P2RY8: variants seen among roughly 807,000 people sequenced by gnomAD.
The protein encoded by P2RY8 is S-geranylgeranyl-glutathione receptor P2RY8.
In P2RY8, 6 loss-of-function variants were observed where a neutral mutation model predicts 10.0. The ratio of observed to expected loss-of-function variants is 0.60; its 90% CI spans 0.33 to 1.19. P2RY8 has a LOEUF of 1.19. P2RY8 is among the 50% of genes most tolerant of loss of function. The pLI, the probability that P2RY8 is intolerant of heterozygous loss-of-function variation, is 0.04. For missense variants in P2RY8, 456 were observed against 542.0 expected, an observed-to-expected ratio of 0.84 and a Z score of 1.58; for synonymous variants, 276 against 252.5, an observed-to-expected ratio of 1.09 and a Z score of -0.88.
chrX:1,488,133 G>C lies in P2RY8; in HGVS notation c.-24-21551C>G, dbSNP rs180916578. The stretch of plus-strand genomic sequence containing the variant: ...CTAAAAAAAAAAAAGAAGAAGAAGA[G>C]AAGTGGGTCTCAACAGGGTCCCCAG... On this transcript the variant is annotated intron_variant, in intron 1 of 1. Transcript: ENST00000381297. Among the ~76,000 whole-genome samples, 361 of 151,408 alleles carry C rather than the reference G, an allele frequency of 2.4e-3. 3 individuals carry two copies. The highest frequency in any genetic ancestry group is 8.2e-3 in the African/African-American group (338 of 41,298).
At chrX:1,509,563 G>T (rs1474628230) in intron 1 of P2RY8, among the ~76,000 whole-genome samples, 9 of 116,912 alleles carry the variant, frequency 7.7e-5, no homozygotes, top group African/African-American at 2.8e-4. Context: ...TATCATCTAT[G>T]TATCTATGTA....
intron 1 of P2RY8, among the ~76,000 whole-genome samples, chrX:1,508,576 T>C (rs1396076175): frequency 4.0e-5 from 6 of 151,722 alleles, no homozygotes; most frequent in Non-Finnish European, 7.4e-5. Context: ...TCTCTATCTA[T>C]CATCTATGTA....
In P2RY8 at chrX:1,478,249, A is replaced by ATGTGTGTGTGTG. The variant is rs745819761; in HGVS notation, c.-24-11679_-24-11668dup. On this transcript the variant is annotated intron_variant, in intron 1 of 1. Transcript: ENST00000381297. ...AATGAAAAATGGTGCTGGCAGGCGT[A>ATGTGTGTGTGTG]TGTGTGTGTGTGTGTGTGTGTGTGC... Among the ~76,000 whole-genome samples, 268 of 148,462 alleles carry ATGTGTGTGTGTG rather than the reference A, an allele frequency of 1.8e-3. 1 individual carries two copies. The highest frequency in any genetic ancestry group is 6.4e-3 in the African/African-American group (258 of 40,200).
intron 1 of P2RY8, among the ~76,000 whole-genome samples, chrX:1,513,098 A>G (rs2092311748): frequency 7.7e-6 from 1 of 129,558 alleles, no homozygotes; most frequent in Non-Finnish European, 1.5e-5. Flanking sequence ...TTCAACTCCC[A>G]CTTATGAGTG....
chrX:1,493,833 G>T (rs1389512271), intron 1 of P2RY8, among the ~76,000 whole-genome samples: 2 of 152,174 alleles, frequency 1.3e-5, no homozygotes, highest in Admixed American at 6.5e-5. Flanking sequence ...CAAGAAGGGG[G>T]TCTGTTTTAG....
At chrX:1,491,358 A>G (rs1276863632) in intron 1 of P2RY8, among the ~76,000 whole-genome samples, 1 of 152,236 alleles carries the variant, frequency 6.6e-6, no homozygotes, top group African/African-American at 2.4e-5. Flanking sequence ...ACAAATGTGA[A>G]GGGAATTAAT....
intron 1 of P2RY8, among the ~76,000 whole-genome samples, chrX:1,517,677 A>C (rs1225854796): frequency 3.9e-5 from 6 of 152,144 alleles, no homozygotes; most frequent in African/African-American, 1.4e-4. Flanking sequence ...GGGGCCAGGT[A>C]ATGTTAACAG....
intron 1 of P2RY8, among the ~76,000 whole-genome samples, chrX:1,486,983 G>A (rs2091991905): frequency 6.6e-6 from 1 of 152,252 alleles, no homozygotes; most frequent in South Asian, 2.1e-4. Context: ...TTCCGCTTTT[G>A]GGGGATGCAG....
rs764334119 is a variant in P2RY8 at position 1,536,602 on chromosome X, A to G, written c.-25+319T>C. 3.2e-3 allele frequency among the ~76,000 whole-genome samples: 494 copies of G among 152,118 alleles called. 2 individuals are homozygous for G. Among genetic ancestry groups the G allele is most frequent in the Non-Finnish European group, 5.5e-3 (372 of 67,976 alleles). ...AGTAGAGACGGGGTTTCACCGTGTT[A>G]GCCAGGATGGTCTCGAACTCCTGAC... On this transcript the variant is annotated intron_variant, in intron 1 of 1. Coordinates refer to ENST00000381297, the MANE Select transcript of P2RY8 (RefSeq NM_178129.5).
intron 1 of P2RY8, among the ~76,000 whole-genome samples, chrX:1,521,711 T>C (rs1280924047): frequency 6.6e-6 from 1 of 152,006 alleles, no homozygotes; most frequent in Non-Finnish European, 1.5e-5. Flanking sequence ...GTGAGTTGCA[T>C]GGGGTGAAGG....
rs1569537747 is a variant in P2RY8 at position 1,501,593 on chromosome X, T to TTA, written c.-24-35012_-24-35011insTA. Among the ~76,000 whole-genome samples, 109 of 151,638 alleles carry TTA rather than the reference T, an allele frequency of 7.2e-4. 1 individual carries two copies. The South Asian group carries it at 0.011, about 15-fold the overall frequency. On this transcript the variant is annotated intron_variant, in intron 1 of 1. Transcript: ENST00000381297. ...CCCGTCTTAGTTTTCATTTTTATTT[T>TTA]TTATTATTATTATTATTTGAGACAA...
At chrX:1,489,097 C>A (rs1330598165) in intron 1 of P2RY8, among the ~76,000 whole-genome samples, 2 of 151,430 alleles carry the variant, frequency 1.3e-5, no homozygotes, top group African/African-American at 4.9e-5. Flanking sequence ...GAATGACACC[C>A]AAGATTCTCT....
At position 1,505,987 on chromosome X, in the gene P2RY8, CTTTTTT is replaced by C. The variant is rs542485545; in HGVS notation, c.-25+30928_-25+30933del. 1.0e-3 allele frequency among the ~76,000 whole-genome samples: 113 copies of C among 108,820 alleles called. 1 individual carries two copies. Among genetic ancestry groups the C allele is most frequent in the Admixed American group, 1.9e-3 (19 of 10,156 alleles). The allele number at this position is 108,820 out of a possible 152,430, so 71.4% of individuals were successfully genotyped here. ...AACAAAGCATCTTAATTTCTTTCTT[CTTTTTT>C]TTTTTTTTTTTTTTTTTGACACAGA... is the stretch of plus-strand genomic sequence containing the variant. On this transcript the variant is annotated intron_variant, in intron 1 of 1. Transcript: ENST00000381297.
chrX:1,533,935 T>C (rs1369560406), intron 1 of P2RY8, among the ~76,000 whole-genome samples: 1 of 123,680 alleles, frequency 8.1e-6, no homozygotes, highest in Non-Finnish European at 1.6e-5. Context: ...TCATATATTA[T>C]TTATTATTTA....
At chrX:1,509,807 A>ATCCAT (rs1569538165) in intron 1 of P2RY8, among the ~76,000 whole-genome samples, 4 of 60,920 alleles carry the variant, frequency 6.6e-5, no homozygotes, top group African/African-American at 1.7e-4. Context: ...CTATCTATCT[A>ATCCAT]TCTATCTATC....
At chrX:1,469,344 G>A (rs1343694578) in intron 1 of P2RY8, among the ~76,000 whole-genome samples, 2 of 150,836 alleles carry the variant, frequency 1.3e-5, no homozygotes, top group Non-Finnish European at 2.9e-5. Flanking sequence ...TTTACTTTTT[G>A]TAGCCCCAAA....
At chrX:1,472,101 A>G (rs1211339077) in intron 1 of P2RY8, among the ~76,000 whole-genome samples, 5 of 151,774 alleles carry the variant, frequency 3.3e-5, no homozygotes, top group Non-Finnish European at 7.4e-5. Flanking sequence ...TCAATTACCT[A>G]CTTTGATTAC....
intron 1 of P2RY8, 59 bp downstream of exon 1, chrX:1,536,862 A>T (rs2092530921): frequency 4.8e-6 from 1 of 209,084 alleles, no homozygotes; most frequent in Admixed American, 5.9e-5. Context: ...CCTCCCAGCG[A>T]CCCTGTCTTC....
intron 1 of P2RY8, among the ~76,000 whole-genome samples, chrX:1,518,876 A>G (rs1229628527): frequency 1.3e-5 from 2 of 151,846 alleles, no homozygotes; most frequent in Non-Finnish European, 2.9e-5. Flanking sequence ...TTAAGCCCCA[A>G]TATTTTATCT....
Sources: allele counts gnomAD v4.1 joint callset (sites outside exome capture counted in the v4.1 genomes callset), GRCh38; gene constraint gnomAD v4.1.1; transcripts MANE v1.5; gene names NCBI Gene and HGNC (gene_info 2026-07-23, HGNC 2026-07-21).